CHUK: variants seen among roughly 807,000 people sequenced by gnomAD.
CHUK encodes the protein component of inhibitor of nuclear factor kappa B kinase complex.
Under a neutral mutation model 104.8 loss-of-function variants are expected in CHUK, and 35 were observed. The ratio of observed to expected loss-of-function variants is 0.33; its 90% CI spans 0.26 to 0.44. CHUK has a LOEUF of 0.44. Ranked by LOEUF, CHUK falls within the 20% of genes least tolerant of loss-of-function variation. CHUK has a pLI of 1.00. For missense variants in CHUK, 663 were observed against 902.7 expected (o/e 0.73, Z 3.40); for synonymous variants, 276 against 291.9 (o/e 0.95, Z 0.56).
At chr10:100,201,565 T>C (rs887337436) in intron 14 of CHUK, among the ~76,000 whole-genome samples, 8 of 152,116 alleles carry the variant, frequency 5.3e-5, no homozygotes, top group African/African-American at 1.2e-4. Flanking sequence ...CCCTATAATA[T>C]GGAAACTAGC....
intron 18 of CHUK, chr10:100,193,711 C>T (rs1329244473): frequency 8.4e-6 from 5 of 592,164 alleles, no homozygotes; most frequent in Middle Eastern, 4.5e-4. Flanking sequence ...ATTTCATTAT[C>T]TAGGCAGGTA....
At chr10:100,206,475 T>TA (rs891235755) in intron 11 of CHUK, among the ~76,000 whole-genome samples, 31 of 142,514 alleles carry the variant, frequency 2.2e-4, no homozygotes, top group East Asian at 4.0e-4. Flanking sequence ...AAACCATTCT[T>TA]AAAAAAAAAA....
chr10:100,188,956 T>G lies in CHUK; in HGVS notation c.*642A>C, dbSNP rs1186871222. The G allele has an allele frequency of 6.6e-6, 1 of 152,268 alleles. No homozygotes were observed. The highest frequency in any genetic ancestry group is 1.9e-4 in the East Asian group (1 of 5,204). The allele number at this position is 152,268 out of a possible 1,614,324, so 9.4% of individuals were successfully genotyped here. On this transcript the variant is annotated 3_prime_UTR_variant, in exon 21 of 21. Coordinates refer to ENST00000370397, the MANE Select transcript of CHUK (RefSeq NM_001278.5). ...CATATACACACAACAACATGATTTA[T>G]GAAAGCCAACTAATATTAGAAGCAC...
intron 10 of CHUK, among the ~76,000 whole-genome samples, chr10:100,208,671 G>C (rs893996550): frequency 6.6e-6 from 1 of 152,012 alleles, no homozygotes; most frequent in Non-Finnish European, 1.5e-5. Context: ...TATAATCCCA[G>C]CTACTTGGGA....
chr10:100,202,393 C>T (rs577939463), intron 13 of CHUK, among the ~76,000 whole-genome samples: 3 of 152,136 alleles, frequency 2.0e-5, no homozygotes, highest in Non-Finnish European at 4.4e-5. Flanking sequence ...TAGTCCAGTA[C>T]GACCAGTGTA....
At chr10:100,194,647 A>G in intron 16 of CHUK, 126 bp from the exon 17 acceptor site, 1 of 632,130 alleles carries the variant, frequency 1.6e-6, no homozygotes, top group Admixed American at 2.6e-5. Flanking sequence ...CTCCATTTAA[A>G]TTAAAAATTG....
At chr10:100,195,711 A>T (rs1021624383) in intron 16 of CHUK, 1 of 152,248 alleles carries the variant, frequency 6.6e-6, no homozygotes, top group African/African-American at 2.4e-5. Flanking sequence ...AGAAAAGACA[A>T]TAGAGGCCAC....
At chr10:100,222,236 G>C in intron 3 of CHUK, 55 bp from the exon 4 acceptor site, 1 of 873,240 alleles carries the variant, frequency 1.1e-6, no homozygotes, top group Non-Finnish European at 1.9e-6. Flanking sequence ...GGCTGCAATA[G>C]TGACCACACA....
Position 100,202,076 on chromosome 10 carries a change from C to T in CHUK, c.1569+12G>A, listed in dbSNP as rs772654250. The T allele has an allele frequency of 6.3e-7, 1 of 1,590,826 alleles. No homozygotes were observed. The highest frequency in any genetic ancestry group is 8.6e-7 in the Non-Finnish European group (1 of 1,159,300). On this transcript the variant is annotated intron_variant, in intron 14 of 20. Coordinates refer to ENST00000370397, the MANE Select transcript of CHUK (RefSeq NM_001278.5). ...AATTAATAAGTATACAGAATGACGTCAATGATTTTACCTCAGCATAGTGGA... is the reference window on the plus strand; with the variant it reads ...AATTAATAAGTATACAGAATGACGTTAATGATTTTACCTCAGCATAGTGGA...
rs747162265 is a variant in CHUK at position 100,222,136 on chromosome 10, T to C, written c.361A>G (p.Ile121Val). ...CCTATATCACTTAGTAAAGAAAGTATCTGGCTTTCTTTAAGTCCACAACAA... is the reference window on the plus strand; with the variant it reads ...CCTATATCACTTAGTAAAGAAAGTACCTGGCTTTCTTTAAGTCCACAACAA... The part of the protein sequence containing the change: ...ENCCGLKESQ[I>V]LSLLSDIGSG... The change falls in exon 4 of 21, where the codon ATA becomes GTA. Residue 121 changes from isoleucine to valine, a missense_variant. Coordinates refer to ENST00000370397, the MANE Select transcript of CHUK (RefSeq NM_001278.5). 4 of 1,586,982 alleles carry C rather than the reference T, an allele frequency of 2.5e-6. No individual in the cohort carries two copies. Among genetic ancestry groups the C allele is most frequent in the Admixed American group, 1.7e-5 (1 of 59,956 alleles).
chr10:100,227,490 C>T (rs746645301), intron 1 of CHUK, among the ~76,000 whole-genome samples: 1 of 151,710 alleles, frequency 6.6e-6, no homozygotes, highest in Non-Finnish European at 1.5e-5. Context: ...TATGACCAGG[C>T]GGATAGGCAG....
chr10:100,195,799 A>G (rs1845312411), intron 16 of CHUK: 1 of 148,752 alleles, frequency 6.7e-6, no homozygotes, highest in African/African-American at 2.6e-5. Flanking sequence ...GTGACACTCA[A>G]AGAAGCTACC....
At chr10:100,197,170 A>G (rs1845352015) in intron 16 of CHUK, among the ~76,000 whole-genome samples, 1 of 152,244 alleles carries the variant, frequency 6.6e-6, no homozygotes, top group Admixed American at 6.5e-5. Flanking sequence ...TGTACTGAAT[A>G]CTGTAGGCAA....
At chr10:100,209,818 TATTG>T (rs1845681996) in intron 9 of CHUK, 29 bp from the exon 10 acceptor site, 1 of 1,009,472 alleles carries the variant, frequency 9.9e-7, no homozygotes, top group South Asian at 1.3e-5. Flanking sequence ...AAGGTAAAGT[TATTG>T]ATTATTTGTT....
chr10:100,193,498 T>C lies in CHUK; in HGVS notation c.1975-67A>G. 4 of 1,577,306 alleles carry C rather than the reference T, an allele frequency of 2.5e-6. 1 individual carries two copies. In the South Asian group the frequency reaches 3.3e-5, roughly 13 times the overall value. Reference sequence around the variant, plus strand: ...ATCTCTGTTGATTCACACAATTTCTTATCATATTCCTAAGACTTACATTTC... The same window carrying C: ...ATCTCTGTTGATTCACACAATTTCTCATCATATTCCTAAGACTTACATTTC... On this transcript the variant is annotated intron_variant, in intron 18 of 20. Transcript: ENST00000370397.
chr10:100,210,091 A>ATTT (rs11436816), intron 9 of CHUK, among the ~76,000 whole-genome samples: 4 of 121,802 alleles, frequency 3.3e-5, no homozygotes, highest in African/African-American at 9.0e-5. Context: ...TTATTTATTT[A>ATTT]TTTTTTTTTT....
In CHUK at chr10:100,189,154, C is replaced by A; in HGVS notation, c.*444G>T. On this transcript the variant is annotated 3_prime_UTR_variant, in exon 21 of 21. Coordinates refer to ENST00000370397, the MANE Select transcript of CHUK (RefSeq NM_001278.5). Reference sequence around the variant, plus strand: ...TGTGAGCAGCCTTTTTAGAAAAAAACACAGGTAGACTTTTACTTAAAATGC... The same window carrying A: ...TGTGAGCAGCCTTTTTAGAAAAAAAAACAGGTAGACTTTTACTTAAAATGC... 1 of 157,448 alleles carries A rather than the reference C, an allele frequency of 6.4e-6. No homozygotes were observed. The highest frequency in any genetic ancestry group is 3.2e-3 in the Middle Eastern group (1 of 310). The allele number at this position is 157,448 out of a possible 1,614,324, so 9.8% of individuals were successfully genotyped here.
At chr10:100,202,283 T>C (rs1174911533) in intron 13 of CHUK, 134 bp from the exon 14 acceptor site, 1 of 701,302 alleles carries the variant, frequency 1.4e-6, no homozygotes, top group Non-Finnish European at 2.6e-6. Flanking sequence ...TATGTGGAAT[T>C]CCTAACCCCT....
chr10:100,211,080 C>T (rs1324067330), intron 9 of CHUK, among the ~76,000 whole-genome samples: 1 of 152,158 alleles, frequency 6.6e-6, no homozygotes, highest in Non-Finnish European at 1.5e-5. Context: ...AATCCAAGTC[C>T]ACTATTATTT....
Sources: allele counts gnomAD v4.1 joint callset (sites outside exome capture counted in the v4.1 genomes callset), GRCh38; gene constraint gnomAD v4.1.1; transcripts MANE v1.5; gene names NCBI Gene and HGNC (gene_info 2026-07-23, HGNC 2026-07-21).